MDFIC: variants seen among roughly 807,000 people sequenced by gnomAD.
The protein encoded by MDFIC is MyoD family inhibitor domain containing, also known as myoD family inhibitor domain-containing protein.
A neutral mutation model predicts 23.2 loss-of-function variants in MDFIC; 17 were observed. That is an observed-to-expected ratio of 0.73 (90% CI 0.50 to 1.10). The LOEUF is 1.10. Ranked by LOEUF, MDFIC falls within the 50% of genes least tolerant of loss-of-function variation. The pLI is 0.00. For synonymous variants in MDFIC, 120 were observed against 115.2 expected, an observed-to-expected ratio of 1.04 and a Z score of -0.27; for missense variants, 356 against 316.6, an observed-to-expected ratio of 1.12 and a Z score of -0.95.
chr7:114,922,556 G>A lies in MDFIC; in HGVS notation c.-188G>A. ...CCGGGGCGAAAATGCGGCCGCTGCC[G>A]GAGGCTCGCTAACTTTCCGGGGCGG... On this transcript the variant is annotated 5_prime_UTR_variant, in exon 1 of 5. Coordinates refer to ENST00000393486, the MANE Select transcript of MDFIC (RefSeq NM_001166345.3). 7.9e-7 allele frequency: 1 copy of A among 1,268,832 alleles called. No homozygotes were observed. Among genetic ancestry groups the A allele is most frequent in the Non-Finnish European group, 1.0e-6 (1 of 1,000,812 alleles). The allele number at this position is 1,268,832 out of a possible 1,614,324, so 78.6% of individuals were successfully genotyped here.
At chr7:114,957,698 T>C (rs1197447433) in intron 3 of MDFIC, among the ~76,000 whole-genome samples, 1 of 152,200 alleles carries the variant, frequency 6.6e-6, no homozygotes, top group East Asian at 1.9e-4. Context: ...ATCAGCTTTT[T>C]CTTTCAATGG....
intron 2 of MDFIC, among the ~76,000 whole-genome samples, chr7:114,927,563 G>T (rs1792218266): frequency 1.3e-5 from 2 of 151,856 alleles, no homozygotes; most frequent in Non-Finnish European, 2.9e-5. Context: ...CAATATAAAA[G>T]AAATGCAAAA....
intron 3 of MDFIC, among the ~76,000 whole-genome samples, chr7:114,964,762 G>C (rs1793065179): frequency 6.6e-6 from 1 of 152,080 alleles, no homozygotes; most frequent in African/African-American, 2.4e-5. Context: ...TATTGGCCAG[G>C]CTGGTCTCGA....
intron 3 of MDFIC, among the ~76,000 whole-genome samples, chr7:114,966,821 G>C (rs1477578879): frequency 6.6e-6 from 1 of 152,202 alleles, no homozygotes; most frequent in Non-Finnish European, 1.5e-5. Context: ...AGCATATGTA[G>C]AAGTTGTATC....
rs925043005 is a variant in MDFIC at position 115,019,599 on chromosome 7, G to A, written c.*3664G>A. Among the ~76,000 whole-genome samples the A allele has an allele frequency of 2.0e-5, 3 of 152,028 alleles. No homozygotes were observed. Among genetic ancestry groups the A allele is most frequent in the Non-Finnish European group, 4.4e-5 (3 of 67,976 alleles). On this transcript the variant is annotated 3_prime_UTR_variant, in exon 5 of 5. Transcript: ENST00000393486. ...AACTGCCTAATGAATCAGGTTATTT[G>A]TTAATAAGATTATTTTTCAAATTAT... is the stretch of plus-strand genomic sequence containing the variant.
At position 115,016,211 on chromosome 7, in the gene MDFIC, TCTC is replaced by T. The variant is rs1791792302; in HGVS notation, c.*279_*281del. ...CCCCCTTCCCAAATGTTAAATGCCT[TCTC>T]CTTTTTACCGATATTTCTGTTTCTT... On this transcript the variant is annotated 3_prime_UTR_variant, in exon 5 of 5. Transcript: ENST00000393486. The T allele has an allele frequency of 2.8e-6, 1 of 360,676 alleles. No individual in the cohort carries two copies. Among genetic ancestry groups the T allele is most frequent in the Admixed American group, 4.5e-5 (1 of 22,114 alleles). 22.3% of individuals were successfully genotyped at this position (360,676 alleles called of 1,614,324 possible).
intron 3 of MDFIC, among the ~76,000 whole-genome samples, chr7:114,977,306 G>A (rs1396859139): frequency 6.6e-6 from 1 of 152,130 alleles, no homozygotes. Context: ...TTTATTAGCA[G>A]CACATAGATG....
At chr7:114,946,456 T>C (rs1792647122) in intron 3 of MDFIC, among the ~76,000 whole-genome samples, 1 of 152,224 alleles carries the variant, frequency 6.6e-6, no homozygotes, top group Non-Finnish European at 1.5e-5. Flanking sequence ...TGCTTTTACA[T>C]AAACGTCTGC....
At chr7:114,998,105 A>C (rs181067532) in intron 4 of MDFIC, among the ~76,000 whole-genome samples, 1 of 152,356 alleles carries the variant, frequency 6.6e-6, no homozygotes, top group Admixed American at 6.5e-5. Context: ...TAATAGCACT[A>C]GACACTGCAT....
At chr7:114,993,543 A>T (rs539596438) in intron 4 of MDFIC, among the ~76,000 whole-genome samples, 1 of 152,268 alleles carries the variant, frequency 6.6e-6, no homozygotes, top group South Asian at 2.1e-4. Flanking sequence ...AGATTCTGGT[A>T]TGTTGTGTCT....
chr7:114,966,246 G>C (rs186595896), intron 3 of MDFIC, among the ~76,000 whole-genome samples: 2 of 152,062 alleles, frequency 1.3e-5, no homozygotes, highest in East Asian at 1.9e-4. Context: ...ATAATAGTCA[G>C]TGTTTTACAT....
chr7:114,949,912 A>G (rs1792729839), intron 3 of MDFIC, among the ~76,000 whole-genome samples: 2 of 152,194 alleles, frequency 1.3e-5, no homozygotes, highest in South Asian at 4.1e-4. Flanking sequence ...CCAAGCCCAA[A>G]GCACAGCACA....
intron 4 of MDFIC, among the ~76,000 whole-genome samples, chr7:115,004,986 C>T (rs1791541251): frequency 6.6e-6 from 1 of 152,208 alleles, no homozygotes; most frequent in Non-Finnish European, 1.5e-5. Context: ...AACTTATATT[C>T]CGCATTAATT....
chr7:114,965,935 A>G (rs988299207), intron 3 of MDFIC, among the ~76,000 whole-genome samples: 2 of 152,226 alleles, frequency 1.3e-5, no homozygotes, highest in Non-Finnish European at 2.9e-5. Flanking sequence ...CTTGCAAAAT[A>G]GAATAACACA....
intron 4 of MDFIC, among the ~76,000 whole-genome samples, chr7:114,997,201 G>A (rs1002921540): frequency 2.0e-5 from 3 of 152,160 alleles, no homozygotes; most frequent in Non-Finnish European, 2.9e-5. Flanking sequence ...CTACCAAGGA[G>A]TTTTCCGAAA....
At chr7:114,967,787 G>C (rs902462002) in intron 3 of MDFIC, among the ~76,000 whole-genome samples, 1 of 151,338 alleles carries the variant, frequency 6.6e-6, no homozygotes, top group African/African-American at 2.4e-5. Context: ...TGTGTAAATG[G>C]TCTCAATCAT....
At chr7:115,015,556 C>T (rs1339839102) in intron 4 of MDFIC, 132 bp from the exon 5 acceptor site, 1 of 1,255,564 alleles carries the variant, frequency 8.0e-7, no homozygotes, top group Non-Finnish European at 1.1e-6. Context: ...GCTTCCAGCT[C>T]ACAAAGCAAA....
At chr7:114,939,254 T>A (rs1177714856) in intron 2 of MDFIC, among the ~76,000 whole-genome samples, 1 of 152,196 alleles carries the variant, frequency 6.6e-6, no homozygotes, top group Non-Finnish European at 1.5e-5. Context: ...AAAGTCAATT[T>A]AAATTTTTTT....
chr7:114,992,321 C>T (rs991582125), intron 4 of MDFIC, among the ~76,000 whole-genome samples: 2 of 152,154 alleles, frequency 1.3e-5, no homozygotes, highest in African/African-American at 4.8e-5. Context: ...TTCCTCTTTT[C>T]CTAGTTGAAT....
Sources: allele counts gnomAD v4.1 joint callset (sites outside exome capture counted in the v4.1 genomes callset), GRCh38; gene constraint gnomAD v4.1.1; transcripts MANE v1.5; gene names NCBI Gene and HGNC (gene_info 2026-07-23, HGNC 2026-07-21).